CFAP100: variants seen among roughly 807,000 people sequenced by gnomAD.
CFAP100 encodes cilia- and flagella-associated protein 100.
In CFAP100, 70 loss-of-function variants were observed where a neutral mutation model predicts 81.5. That is an observed-to-expected ratio of 0.86 (90% CI 0.71 to 1.05). The LOEUF (loss-of-function observed/expected upper bound fraction) is 1.05, where lower values mean the gene tolerates loss of function less well. Ranked by LOEUF, CFAP100 falls within the 50% of genes least tolerant of loss-of-function variation. The probability of loss-of-function intolerance (pLI) is 0.00; values close to 1 mark genes in which losing one functional copy is unlikely to be tolerated. For synonymous variants in CFAP100, 341 were observed against 314.8 expected (o/e 1.08, Z -0.88); for missense variants, 811 against 776.5 (o/e 1.04, Z -0.53).
intron 16 of CFAP100, 123 bp downstream of exon 16, chr3:126,435,775 G>A: frequency 1.4e-6 from 1 of 726,398 alleles, no homozygotes; most frequent in Non-Finnish European, 2.2e-6. Context: ...GGCTCTGAGG[G>A]AGACAGGCTG....
chr3:126,433,248 GACCCTTGGGC>G, intron 14 of CFAP100, 44 bp downstream of exon 14: 1 of 1,607,762 alleles, frequency 6.2e-7, no homozygotes, highest in African/African-American at 1.3e-5. Context: ...GGTAAGGAGG[GACCCTTGGGC>G]ACCCACTGGA....
At chr3:126,400,311 A>G (rs540157775) in intron 2 of CFAP100, among the ~76,000 whole-genome samples, 2 of 152,310 alleles carry the variant, frequency 1.3e-5, no homozygotes, top group East Asian at 3.9e-4. Context: ...TGCAAATCAA[A>G]ACCAAAATGA....
intron 15 of CFAP100, among the ~76,000 whole-genome samples, chr3:126,435,277 G>A (rs1033949593): frequency 6.6e-6 from 1 of 151,674 alleles, no homozygotes; most frequent in East Asian, 2.0e-4. Context: ...TCTGGGAGGG[G>A]TCTGCTGGAT....
At chr3:126,427,901 G>A (rs959821192) in intron 13 of CFAP100, among the ~76,000 whole-genome samples, 4 of 152,076 alleles carry the variant, frequency 2.6e-5, no homozygotes, top group Admixed American at 2.0e-4. Context: ...ATCTTACATG[G>A]CTGGAGCAGC....
At chr3:126,409,040 C>T (rs745423297) in intron 3 of CFAP100, among the ~76,000 whole-genome samples, 29 of 152,198 alleles carry the variant, frequency 1.9e-4, no homozygotes, top group African/African-American at 5.5e-4. Flanking sequence ...GCTTCAGCCT[C>T]GGCCTCCCAA....
chr3:126,400,747 G>A (rs532681652), intron 2 of CFAP100, among the ~76,000 whole-genome samples: 17 of 149,116 alleles, frequency 1.1e-4, no homozygotes, highest in Admixed American at 2.7e-4. Flanking sequence ...GCGAGACTCC[G>A]TCTCAAAAAA....
At position 126,423,307 on chromosome 3, in the gene CFAP100, C is replaced by A. The variant is rs756594968; in HGVS notation, c.1083-18C>A. 1.2e-6 allele frequency: 2 copies of A among 1,609,610 alleles called. No individual in the cohort carries two copies. The highest frequency in any genetic ancestry group is 8.5e-7 in the Non-Finnish European group (1 of 1,177,568). ...CTCAGGCTGGTCCCAGAGTCCCGACCCTGCCATCTCTTCGCAGGTCGAACT... is the reference window on the plus strand; with the variant it reads ...CTCAGGCTGGTCCCAGAGTCCCGACACTGCCATCTCTTCGCAGGTCGAACT... On this transcript the variant is annotated intron_variant, in intron 11 of 16. Transcript: ENST00000352312.
rs2083283052 is a variant in CFAP100, at chr3:126,418,781, C to A, written c.650+7C>A. On this transcript the variant is annotated splice_region_variant and intron_variant, in intron 7 of 16. Transcript: ENST00000352312. ...CCGTGCAGGCCATGAGAGCGTGAGC[C>A]TGCGGGCCCGAGGGGCTGGCTGGGC... The A allele has an allele frequency of 6.3e-7, 1 of 1,578,516 alleles. No homozygotes were observed. Among genetic ancestry groups the A allele is most frequent in the African/African-American group, 1.4e-5 (1 of 73,800 alleles).
Position 126,395,941 on chromosome 3 carries a change from G to A in CFAP100, c.-59-1G>A. 7.0e-7 allele frequency: 1 copy of A among 1,433,606 alleles called. No homozygotes were observed. The highest frequency in any genetic ancestry group is 9.8e-7 in the Non-Finnish European group (1 of 1,016,646). 88.8% of individuals were successfully genotyped at this position (1,433,606 alleles called of 1,614,324 possible). A position where few individuals can be genotyped will look rare whatever the true frequency, so the allele number is the denominator to read the frequency against. On this transcript the variant is annotated splice_acceptor_variant, in intron 1 of 16. Transcript: ENST00000352312. LOFTEE classifies it low-confidence loss of function (5UTR_SPLICE). ...GGCTCAAGCACTGTGTCACTCCTCA[G>A]GTGAGGATCTCCTTTAGAAGAGGAG...
chr3:126,430,793 G>C (rs1933187761), intron 13 of CFAP100, among the ~76,000 whole-genome samples: 1 of 151,366 alleles, frequency 6.6e-6, no homozygotes, highest in Admixed American at 6.6e-5. Context: ...CTATTTCTTT[G>C]TTGACCTTAT....
chr3:126,420,167 T>C lies in CFAP100; in HGVS notation c.1020T>C (p.Ser340=), dbSNP rs760084651. The C allele has an allele frequency of 7.3e-5, 118 of 1,612,708 alleles. No homozygotes were observed. In the South Asian group the frequency reaches 1.2e-3, roughly 16 times the overall value. Residue 340 remains serine (S), a synonymous_variant, in exon 11 of 17, where the codon TCT becomes TCC. Coordinates refer to ENST00000352312, the MANE Select transcript of CFAP100 (RefSeq NM_182628.3). ...CGATGCGGCTGGGGCGGAGCCCGTCTTACCTGAGCAGCCCCCAGCAAGGCA... is the reference window on the plus strand; with the variant it reads ...CGATGCGGCTGGGGCGGAGCCCGTCCTACCTGAGCAGCCCCCAGCAAGGCA... ...LQTMRLGRSP[S]YLSSPQQGSQ... is the part of the protein sequence containing the mutation.
chr3:126,407,875 G>A (rs1040140441), intron 3 of CFAP100, among the ~76,000 whole-genome samples: 11 of 152,252 alleles, frequency 7.2e-5, no homozygotes, highest in African/African-American at 2.4e-4. Flanking sequence ...ACAGGGCATC[G>A]CTGCCACCTG....
At position 126,436,015 on chromosome 3, in the gene CFAP100, C is replaced by A. The variant is rs55768719; in HGVS notation, c.1723-276C>A. On this transcript the variant is annotated intron_variant, in intron 16 of 16. Coordinates refer to ENST00000352312, the MANE Select transcript of CFAP100 (RefSeq NM_182628.3). ...TCCCCCTACTGCTGTGTCCCAAGGC[C>A]CCCACCCTTCCTGCCTTCTGACCCT... Among the ~76,000 whole-genome samples the A allele has an allele frequency of 5.7e-3, 866 of 152,320 alleles. 8 individuals are homozygous for A. Among genetic ancestry groups the A allele is most frequent in the African/African-American group, 0.02 (812 of 41,580 alleles).
Position 126,419,620 on chromosome 3 carries a change from A to G in CFAP100, c.732-17A>G, listed in dbSNP as rs748740152. On this transcript the variant is annotated splice_polypyrimidine_tract_variant and intron_variant, in intron 8 of 16. Transcript: ENST00000352312. The stretch of plus-strand genomic sequence containing the variant: ...CTGACCTCCTCCTTCCCACATCCTC[A>G]CCCCGCCCCGGTGTAGTGAGATCTC... 1.2e-6 allele frequency: 2 copies of G among 1,609,652 alleles called. No homozygotes were observed. The highest frequency in any genetic ancestry group is 2.7e-5 in the African/African-American group (2 of 74,716).
chr3:126,422,236 A>T (rs539707727), intron 11 of CFAP100, among the ~76,000 whole-genome samples: 2 of 152,340 alleles, frequency 1.3e-5, no homozygotes, highest in African/African-American at 4.8e-5. Context: ...TCAGAAAGGC[A>T]TCGTATGGGC....
At chr3:126,432,360 T>C (rs765171563) in intron 13 of CFAP100, among the ~76,000 whole-genome samples, 33 of 148,894 alleles carry the variant, frequency 2.2e-4, no homozygotes, top group Non-Finnish European at 3.6e-4. Context: ...TTCGTGAGAA[T>C]TGAAAACATG....
In CFAP100 at chr3:126,414,187, T is replaced by C. The variant is rs1427443206; in HGVS notation, c.225+8T>C. Reference sequence around the variant, plus strand: ...CGGAATAAGGCTCTCTCCGTGAGTATCCAGGACAGACGCCAGCACCTCCGG... The same window carrying C: ...CGGAATAAGGCTCTCTCCGTGAGTACCCAGGACAGACGCCAGCACCTCCGG... On this transcript the variant is annotated splice_region_variant and intron_variant, in intron 4 of 16. Coordinates refer to ENST00000352312, the MANE Select transcript of CFAP100 (RefSeq NM_182628.3). The C allele has an allele frequency of 2.5e-6, 4 of 1,605,498 alleles. No individual in the cohort carries two copies. The highest frequency in any genetic ancestry group is 1.3e-5 in the African/African-American group (1 of 74,758).
rs1933030375 is a variant in CFAP100, at chr3:126,428,112, C to T, written c.1286+4468C>T. Among the ~76,000 whole-genome samples, 2 of 152,242 alleles carry T rather than the reference C, an allele frequency of 1.3e-5. 1 individual carries two copies. The highest frequency in any genetic ancestry group is 4.1e-4 in the South Asian group (2 of 4,828). On this transcript the variant is annotated intron_variant, in intron 13 of 16. Coordinates refer to ENST00000352312, the MANE Select transcript of CFAP100 (RefSeq NM_182628.3). ...ATTGAACATGAGATTTGGGCAGGGA[C>T]ACAGATCCAAACAATATTAATCATT...
intron 16 of CFAP100, 23 bp downstream of exon 16, chr3:126,435,675 G>C (rs149124584): frequency 3.8e-6 from 6 of 1,596,856 alleles, no homozygotes; most frequent in Non-Finnish European, 5.1e-6. Context: ...GCCTTGGGGG[G>C]TCTCTGCTGG....
Sources: gnomAD v4.1 joint callset for allele counts (sites outside exome capture counted in the v4.1 genomes callset) on GRCh38, gnomAD v4.1.1 for gene constraint, MANE v1.5 for transcripts, NCBI Gene and HGNC (gene_info 2026-07-23, HGNC 2026-07-21) for gene names.